The following RBFOX1 variants were observed in gnomAD, a reference collection of about 807,000 sequenced individuals.
RBFOX1 encodes RNA binding fox-1 homolog 1, also known as RNA binding protein fox-1 homolog 1.
A neutral mutation model predicts 57.7 loss-of-function variants in RBFOX1; 8 were observed. The observed-to-expected ratio is 0.14, with a 90% CI of 0.08 to 0.25. The LOEUF (loss-of-function observed/expected upper bound fraction) is 0.25, where lower values mean the gene tolerates loss of function less well. RBFOX1 is among the 10% of genes least tolerant of loss of function. The pLI, the probability that RBFOX1 is intolerant of heterozygous loss-of-function variation, is 1.00. For synonymous variants in RBFOX1, 326 were observed against 222.4 expected (o/e 1.47, Z -4.15); for missense variants, 611 against 548.5 (o/e 1.11, Z -1.14).
At chr16:6,658,451 C>T (rs1397062539) in intron 3 of RBFOX1, among the ~76,000 whole-genome samples, 1 of 152,080 alleles carries the variant, frequency 6.6e-6, no homozygotes, top group African/African-American at 2.4e-5. Flanking sequence ...TCGTGATCCG[C>T]CTGCTTCAGC....
chr16:7,381,224 T>C (rs2097777195), intron 4 of RBFOX1, among the ~76,000 whole-genome samples: 1 of 152,182 alleles, frequency 6.6e-6, no homozygotes, highest in East Asian at 1.9e-4. Flanking sequence ...ATTGAGGCCG[T>C]GTCTCTCAAA....
At chr16:6,887,095 A>G (rs537624112) in intron 3 of RBFOX1, among the ~76,000 whole-genome samples, 5 of 152,304 alleles carry the variant, frequency 3.3e-5, no homozygotes, top group African/African-American at 1.2e-4. Flanking sequence ...CTTCAAAATC[A>G]TCATGTCCCT....
chr16:7,214,298 G>C (rs1192607964), intron 4 of RBFOX1, among the ~76,000 whole-genome samples: 1 of 152,074 alleles, frequency 6.6e-6, no homozygotes, highest in East Asian at 1.9e-4. Flanking sequence ...TGATCTTTAT[G>C]ATGACACGAT....
At chr16:5,421,981 A>G (rs2067342972) in intron 1 of RBFOX1, among the ~76,000 whole-genome samples, 1 of 152,322 alleles carries the variant, frequency 6.6e-6, no homozygotes, top group Non-Finnish European at 1.5e-5. Context: ...GGAATAAGGG[A>G]GAAAGGGTGT....
intron 4 of RBFOX1, among the ~76,000 whole-genome samples, chr16:6,003,558 C>G (rs894302121): frequency 6.6e-6 from 1 of 151,718 alleles, no homozygotes; most frequent in Non-Finnish European, 1.5e-5. Context: ...TCCACCCCTG[C>G]GGTACCTTTG....
At chr16:7,195,952 C>T (rs899263022) in intron 4 of RBFOX1, among the ~76,000 whole-genome samples, 2 of 151,952 alleles carry the variant, frequency 1.3e-5, no homozygotes, top group Non-Finnish European at 2.9e-5. Context: ...CTTTCATTCT[C>T]TACTGCCACA....
At chr16:7,543,798 G>C (rs918956380) in intron 5 of RBFOX1, among the ~76,000 whole-genome samples, 1 of 151,936 alleles carries the variant, frequency 6.6e-6, no homozygotes, top group Non-Finnish European at 1.5e-5. Context: ...TTGGCTCACT[G>C]CAACCTCTAC....
Position 6,426,705 on chromosome 16 carries a change from T to C in RBFOX1, c.-64+109648T>C, listed in dbSNP as rs78662245. On this transcript the variant is annotated intron_variant, in intron 2 of 15. Transcript: ENST00000550418. ...CGGCAGAGAGGCCCCTATACCCCCA[T>C]TGAGACAGAAGCAATTTGAAAGAAC... 6.2e-3 allele frequency among the ~76,000 whole-genome samples: 938 copies of C among 152,234 alleles called. 34 individuals are homozygous for C. The East Asian group carries it at 0.13, about 21-fold the overall frequency.
chr16:7,509,390 CTGTGTGTGTGTGTGTGTG>C (rs34760329), intron 4 of RBFOX1, among the ~76,000 whole-genome samples: 3 of 145,056 alleles, frequency 2.1e-5, no homozygotes, highest in Non-Finnish European at 3.0e-5. Flanking sequence ...GAGCCAAGCC[CTGTGTGTGTGTGTGTGTG>C]TGTGTGTGTG....
chr16:6,025,032 T>A (rs2095161504), intron 1 of RBFOX1, among the ~76,000 whole-genome samples: 1 of 152,212 alleles, frequency 6.6e-6, no homozygotes, highest in Admixed American at 6.5e-5. Context: ...TAGGCCCTTG[T>A]GGCCTGGGAA....
chr16:6,006,052 T>A (rs1439579699), intron 4 of RBFOX1, among the ~76,000 whole-genome samples: 1 of 152,200 alleles, frequency 6.6e-6, no homozygotes, highest in Non-Finnish European at 1.5e-5. Context: ...ATCCTATAGG[T>A]GGTGCAGAGG....
intron 1 of RBFOX1, among the ~76,000 whole-genome samples, chr16:6,031,417 G>C (rs2095287513): frequency 6.6e-6 from 1 of 152,214 alleles, no homozygotes; most frequent in Non-Finnish European, 1.5e-5. Context: ...TTATTTTTGA[G>C]ATGGGGAAGA....
intron 1 of RBFOX1, among the ~76,000 whole-genome samples, chr16:6,028,785 G>A (rs999416720): frequency 1.3e-5 from 2 of 152,214 alleles, no homozygotes; most frequent in African/African-American, 4.8e-5. Flanking sequence ...TTAAAGAAGT[G>A]TCTTGCCTTC....
intron 4 of RBFOX1, among the ~76,000 whole-genome samples, chr16:5,911,955 A>T (rs1486132193): frequency 6.6e-6 from 1 of 152,162 alleles, no homozygotes; most frequent in East Asian, 1.9e-4. Context: ...AAACATTCAG[A>T]CCTTAGTAGG....
At chr16:6,718,465 T>C (rs1004134989) in intron 3 of RBFOX1, among the ~76,000 whole-genome samples, 8 of 151,824 alleles carry the variant, frequency 5.3e-5, no homozygotes, top group African/African-American at 1.9e-4. Context: ...ATGATGGTGA[T>C]AGGTGTTCAC....
At chr16:5,959,903 A>C (rs2059715608) in intron 4 of RBFOX1, among the ~76,000 whole-genome samples, 1 of 152,156 alleles carries the variant, frequency 6.6e-6, no homozygotes, top group Non-Finnish European at 1.5e-5. Context: ...AGTGTTTTTG[A>C]ATAAGAGGAA....
At chr16:5,980,665 A>G (rs1313660359) in intron 4 of RBFOX1, among the ~76,000 whole-genome samples, 2 of 152,138 alleles carry the variant, frequency 1.3e-5, no homozygotes, top group African/African-American at 4.8e-5. Context: ...CAGGCATTAG[A>G]CAACATTAAT....
At chr16:6,059,810 A>G (rs529394438) in intron 1 of RBFOX1, among the ~76,000 whole-genome samples, 7 of 152,284 alleles carry the variant, frequency 4.6e-5, no homozygotes, top group African/African-American at 1.4e-4. Context: ...TCAGAGATCA[A>G]TTTTCACCAC....
At chr16:6,361,681 G>A (rs993558916) in intron 2 of RBFOX1, among the ~76,000 whole-genome samples, 9 of 150,990 alleles carry the variant, frequency 6.0e-5, no homozygotes, top group African/African-American at 2.2e-4. Context: ...GCTAATTAGT[G>A]TTACCTGGAG....
Sources: gnomAD v4.1 joint callset for allele counts (sites outside exome capture counted in the v4.1 genomes callset) on GRCh38, gnomAD v4.1.1 for gene constraint, MANE v1.5 for transcripts, NCBI Gene and HGNC (gene_info 2026-07-23, HGNC 2026-07-21) for gene names.